PEPD: variants seen among roughly 807,000 people sequenced by gnomAD.
PEPD encodes the protein xaa-Pro dipeptidase.
In PEPD, 53 loss-of-function variants were observed where a neutral mutation model predicts 60.7. The observed-to-expected ratio is 0.87, with a 90% confidence interval of 0.70 to 1.10. The LOEUF is 1.10. PEPD is among the 50% of genes least tolerant of loss of function. PEPD has a pLI of 0.00. For synonymous variants in PEPD, 267 were observed against 284.1 expected, an observed-to-expected ratio of 0.94 and a Z score of 0.60; for missense variants, 711 against 711.9, an observed-to-expected ratio of 1.00 and a Z score of 0.01.
At chr19:33,489,247 A>G (rs1000402622) in intron 6 of PEPD, among the ~76,000 whole-genome samples, 4 of 152,164 alleles carry the variant, frequency 2.6e-5, no homozygotes, top group African/African-American at 4.8e-5. Flanking sequence ...AGAAGAGGTT[A>G]AAGGGATCCT....
At position 33,511,066 on chromosome 19, in the gene PEPD, C is replaced by T; in HGVS notation, c.291G>A (p.Val97=). ...TGGCATGGCTGGCAGGAAGCCTGGGCACAAACAGGGTCGACTTCCCAGTGT... is the reference window on the plus strand; with the variant it reads ...TGGCATGGCTGGCAGGAAGCCTGGGTACAAACAGGGTCGACTTCCCAGTGT... ...DVDTGKSTLF[V]PRLPASHATW... The change falls in exon 3 of 15, where the codon GTG becomes GTA. Residue 97 remains valine, a synonymous_variant. Coordinates refer to ENST00000244137, the MANE Select transcript of PEPD (RefSeq NM_000285.4). The T allele has an allele frequency of 1.9e-6, 3 of 1,613,976 alleles. No homozygotes were observed. Among genetic ancestry groups the T allele is most frequent in the South Asian group, 1.1e-5 (1 of 91,040 alleles).
At chr19:33,463,890 A>C (rs1681567196) in intron 8 of PEPD, 97 bp downstream of exon 8, 1 of 803,938 alleles carries the variant, frequency 1.2e-6, no homozygotes, top group Non-Finnish European at 2.2e-6. Context: ...GCCCTCAGGG[A>C]TTAGAGCCCA....
intron 9 of PEPD, among the ~76,000 whole-genome samples, chr19:33,435,337 T>C (rs1208699957): frequency 6.6e-6 from 1 of 152,096 alleles, no homozygotes; most frequent in Non-Finnish European, 1.5e-5. Flanking sequence ...GTTTTAGCAG[T>C]TGATGAATAA....
intron 7 of PEPD, among the ~76,000 whole-genome samples, chr19:33,470,805 G>A (rs73037109): frequency 4.6e-5 from 7 of 152,264 alleles, no homozygotes; most frequent in Non-Finnish European, 8.8e-5. Context: ...TGGCAGCATG[G>A]GATGTTGCCA....
chr19:33,403,875 G>C (rs1164622913), intron 11 of PEPD, among the ~76,000 whole-genome samples: 1 of 152,216 alleles, frequency 6.6e-6, no homozygotes, highest in Non-Finnish European at 1.5e-5. Flanking sequence ...GGAGCTTTGG[G>C]GTGGGTCAGA....
intron 6 of PEPD, among the ~76,000 whole-genome samples, chr19:33,485,893 C>T (rs990796551): frequency 2.0e-5 from 3 of 150,454 alleles, no homozygotes; most frequent in Non-Finnish European, 4.4e-5. Flanking sequence ...CTCGCTGCCC[C>T]GGCCCAGGGC....
intron 9 of PEPD, among the ~76,000 whole-genome samples, chr19:33,443,173 A>G (rs1368229888): frequency 6.6e-6 from 1 of 152,228 alleles, no homozygotes; most frequent in Non-Finnish European, 1.5e-5. Flanking sequence ...GGAATCACAC[A>G]GCGTGTGGCT....
intron 9 of PEPD, among the ~76,000 whole-genome samples, chr19:33,455,597 G>T (rs1333270384): frequency 6.6e-6 from 1 of 151,838 alleles, no homozygotes; most frequent in Non-Finnish European, 1.5e-5. Context: ...TGGCTTCCTG[G>T]GCTCAAGCAA....
intron 9 of PEPD, among the ~76,000 whole-genome samples, chr19:33,415,249 C>T (rs376493476): frequency 1.3e-5 from 2 of 152,234 alleles, no homozygotes; most frequent in African/African-American, 2.4e-5. Context: ...ATGGCGACAG[C>T]GGACCTCTGT....
chr19:33,512,806 C>T lies in PEPD; in HGVS notation c.18-30G>A, dbSNP rs45564539. The T allele has an allele frequency of 0.017, 27,368 of 1,612,794 alleles. 458 individuals carry two copies. The highest frequency in any genetic ancestry group is 0.068 in the South Asian group (6,209 of 91,008). On this transcript the variant is annotated intron_variant, in intron 1 of 14. Coordinates refer to ENST00000244137, the MANE Select transcript of PEPD (RefSeq NM_000285.4). The stretch of plus-strand genomic sequence containing the variant: ...AGAGGCAAGAGCACACACCGCCACA[C>T]AGGCCTCTGTTAGCATCTCCAAGCA...
intron 9 of PEPD, among the ~76,000 whole-genome samples, chr19:33,436,000 G>A: frequency 6.6e-6 from 1 of 152,204 alleles, no homozygotes; most frequent in Admixed American, 6.5e-5. Context: ...ATGGGTCTGA[G>A]GTTAGCGCAG....
chr19:33,486,061 G>A (rs1008106040), intron 6 of PEPD, among the ~76,000 whole-genome samples: 2 of 152,048 alleles, frequency 1.3e-5, no homozygotes, highest in African/African-American at 4.8e-5. Context: ...TTCATGGTCA[G>A]TCTCCTGCTC....
chr19:33,415,934 A>G (rs1968880003), intron 9 of PEPD, among the ~76,000 whole-genome samples: 1 of 152,236 alleles, frequency 6.6e-6, no homozygotes, highest in East Asian at 1.9e-4. Flanking sequence ...TTGAGGACAC[A>G]CTGGTGCTTT....
intron 7 of PEPD, among the ~76,000 whole-genome samples, chr19:33,471,737 T>C (rs746531426): frequency 6.6e-6 from 1 of 152,172 alleles, no homozygotes; most frequent in African/African-American, 2.4e-5. Flanking sequence ...AGGCCAGGCA[T>C]GGTGGCTCTC....
Position 33,500,918 on chromosome 19 carries a change from A to C in PEPD, c.393+20T>G. 6.8e-7 allele frequency: 1 copy of C among 1,480,744 alleles called. No individual in the cohort carries two copies. The highest frequency in any genetic ancestry group is 9.4e-7 in the Non-Finnish European group (1 of 1,059,180). 91.7% of individuals were successfully genotyped at this position (1,480,744 alleles called of 1,614,324 possible). A position where few individuals can be genotyped will look rare whatever the true frequency, so the allele number is the denominator to read the frequency against. On this transcript the variant is annotated intron_variant, in intron 4 of 14. Coordinates refer to ENST00000244137, the MANE Select transcript of PEPD (RefSeq NM_000285.4). ...ATGCTGGAAGCCCTGGGCTGCTCAG[A>C]GGAGGAGCCGGCTACCCACCTCATC...
At chr19:33,521,495 G>A (rs1294227672) in intron 1 of PEPD, among the ~76,000 whole-genome samples, 1 of 152,240 alleles carries the variant, frequency 6.6e-6, no homozygotes, top group African/African-American at 2.4e-5. Flanking sequence ...CGCACACGGT[G>A]GGGCCGCCAG....
intron 12 of PEPD, among the ~76,000 whole-genome samples, chr19:33,391,903 T>C (rs1303200363): frequency 2.6e-5 from 4 of 152,180 alleles, no homozygotes; most frequent in East Asian, 3.9e-4. Context: ...CTGTGGGCTC[T>C]GGCCCTGAGG....
At position 33,400,459 on chromosome 19, in the gene PEPD, C is replaced by T. The variant is rs1968461991; in HGVS notation, c.967+1262G>A. Among the ~76,000 whole-genome samples, 4 of 152,378 alleles carry T rather than the reference C, an allele frequency of 2.6e-5. No individual in the cohort carries two copies. The South Asian group carries it at 8.3e-4, about 32-fold the overall frequency. ...CTGGAGACTGTTCTGTTGCTTATAA[C>T]CAAAGATGCAGAACCTGCGTGCCTT... On this transcript the variant is annotated intron_variant, in intron 12 of 14. Coordinates refer to ENST00000244137, the MANE Select transcript of PEPD (RefSeq NM_000285.4).
intron 9 of PEPD, among the ~76,000 whole-genome samples, chr19:33,433,518 T>C (rs1378322826): frequency 6.6e-6 from 1 of 152,236 alleles, no homozygotes; most frequent in African/African-American, 2.4e-5. Context: ...CTGTTAGGAA[T>C]TAGGTAATAT....
Sources: allele counts gnomAD v4.1 joint callset (sites outside exome capture counted in the v4.1 genomes callset), GRCh38; gene constraint gnomAD v4.1.1; transcripts MANE v1.5; gene names NCBI Gene and HGNC (gene_info 2026-07-23, HGNC 2026-07-21).